DAB1: variants seen among roughly 807,000 people sequenced by gnomAD.
DAB1 encodes the protein disabled homolog 1.
Under a neutral mutation model 64.6 loss-of-function variants are expected in DAB1, and 15 were observed. The ratio of observed to expected loss-of-function variants is 0.23; its 90% CI spans 0.16 to 0.36. DAB1 has a LOEUF of 0.36. Among genes scored for constraint, DAB1 ranks in the 10% least tolerant of loss-of-function variants. The pLI is 1.00. For synonymous variants in DAB1, 235 were observed against 251.9 expected (o/e 0.93, Z 0.64); for missense variants, 596 against 706.7 (o/e 0.84, Z 1.78).
At chr1:57,896,808 T>C (rs778999927) in intron 5 of DAB1, among the ~76,000 whole-genome samples, 1 of 152,210 alleles carries the variant, frequency 6.6e-6, no homozygotes, top group Non-Finnish European at 1.5e-5. Context: ...ATTATTTTAT[T>C]GTTTCTACTG....
At chr1:57,880,710 C>G (rs1349294819) in intron 1 of DAB1, 4 of 152,160 alleles carry the variant, frequency 2.6e-5, no homozygotes, top group Admixed American at 2.6e-4. Flanking sequence ...TCAATTACAA[C>G]TGAATAAAGC....
In DAB1 at chr1:58,254,395, A is replaced by ATT. The variant is rs150057888; in HGVS notation, n.309+88955_309+88956dup. ...AGGGAATTTATTTATTTTTTTTTCT[A>ATT]TTTTTTTTTTATTATACTTTAAGTT... On this transcript the variant is annotated intron_variant and non_coding_transcript_variant, in intron 4 of 20. Coordinates refer to the DAB1 transcript ENST00000485760. 3.9e-3 allele frequency among the ~76,000 whole-genome samples: 567 copies of ATT among 146,704 alleles called. 3 individuals are homozygous for ATT. Among genetic ancestry groups the ATT allele is most frequent in the African/African-American group, 0.013 (515 of 39,522 alleles).
intron 6 of DAB1, among the ~76,000 whole-genome samples, chr1:57,696,059 T>C (rs756123538): frequency 3.3e-5 from 5 of 152,190 alleles, no homozygotes; most frequent in Non-Finnish European, 7.4e-5. Context: ...TTTTGGACTG[T>C]GTACTCAGAA....
chr1:57,123,243 C>T (rs1656826280), intron 4 of DAB1, among the ~76,000 whole-genome samples: 1 of 152,006 alleles, frequency 6.6e-6, no homozygotes, highest in South Asian at 2.1e-4. Flanking sequence ...AATGATAGGC[C>T]AAGTCCTAAG....
chr1:58,389,575 C>A (rs1199851161), intron 3 of DAB1, among the ~76,000 whole-genome samples: 1 of 152,216 alleles, frequency 6.6e-6, no homozygotes, highest in Admixed American at 6.5e-5. Context: ...CTTACACTTA[C>A]ATCACCTAGG....
intron 6 of DAB1, among the ~76,000 whole-genome samples, chr1:57,710,442 T>C (rs1570758501): frequency 6.6e-6 from 1 of 152,340 alleles, no homozygotes; most frequent in Non-Finnish European, 1.5e-5. Flanking sequence ...TTCACTGTTG[T>C]CTATACTATA....
At chr1:57,324,505 A>G (rs1675995406) in intron 1 of DAB1, among the ~76,000 whole-genome samples, 2 of 152,228 alleles carry the variant, frequency 1.3e-5, no homozygotes, top group Non-Finnish European at 2.9e-5. Context: ...AAAAGTAGAC[A>G]GTGTTAATGT....
chr1:58,363,796 C>G (rs1415315327), intron 3 of DAB1, among the ~76,000 whole-genome samples: 1 of 152,210 alleles, frequency 6.6e-6, no homozygotes. Flanking sequence ...TGAGTCTAAT[C>G]ACATCCAGCT....
At chr1:57,826,239 C>T (rs902106230) in exon 2 of DAB1, 5 of 152,146 alleles carry the variant, frequency 3.3e-5, no homozygotes, top group Admixed American at 1.3e-4. Flanking sequence ...CTTTGTGCTT[C>T]GCATATTAGG....
At chr1:58,110,280 T>A (rs1444400902) in intron 5 of DAB1, among the ~76,000 whole-genome samples, 1 of 152,208 alleles carries the variant, frequency 6.6e-6, no homozygotes, top group East Asian at 1.9e-4. Flanking sequence ...AATACTTTTT[T>A]TTTACCTTAG....
chr1:57,164,882 T>C (rs1043188983), intron 2 of DAB1, among the ~76,000 whole-genome samples: 1 of 152,196 alleles, frequency 6.6e-6, no homozygotes, highest in Non-Finnish European at 1.5e-5. Flanking sequence ...GGTTGATTTG[T>C]TACTTGCAAC....
intron 1 of DAB1, among the ~76,000 whole-genome samples, chr1:57,332,968 G>C (rs1033288358): frequency 1.3e-5 from 2 of 152,142 alleles, no homozygotes; most frequent in African/African-American, 4.8e-5. Flanking sequence ...TGTCTTATCT[G>C]TTGAAACTCT....
chr1:57,638,291 T>C (rs1646084128), intron 7 of DAB1, among the ~76,000 whole-genome samples: 1 of 152,204 alleles, frequency 6.6e-6, no homozygotes, highest in South Asian at 2.1e-4. Context: ...ATAAATCATG[T>C]GTGATAACTT....
chr1:57,027,517 T>C (rs540224024), intron 9 of DAB1, among the ~76,000 whole-genome samples: 1 of 152,320 alleles, frequency 6.6e-6, no homozygotes, highest in African/African-American at 2.4e-5. Context: ...TAAATTCCTT[T>C]ACTGCCTGGA....
chr1:58,168,625 G>A (rs952768260), intron 4 of DAB1, among the ~76,000 whole-genome samples: 2 of 152,100 alleles, frequency 1.3e-5, no homozygotes, highest in Non-Finnish European at 2.9e-5. Context: ...CATCATAGGG[G>A]AGACTACCTG....
At chr1:57,747,358 G>C (rs1648325836) in intron 6 of DAB1, among the ~76,000 whole-genome samples, 1 of 152,114 alleles carries the variant, frequency 6.6e-6, no homozygotes, top group African/African-American at 2.4e-5. Context: ...TTCTACCTGA[G>C]GGGTACTTAG....
At chr1:57,350,209 C>A (rs182242138) in intron 1 of DAB1, among the ~76,000 whole-genome samples, 5 of 152,238 alleles carry the variant, frequency 3.3e-5, no homozygotes, top group Non-Finnish European at 7.4e-5. Context: ...ATAATGCAGA[C>A]ACAATTTTTA....
Position 57,499,252 on chromosome 1 carries a change from G to T in DAB1, n.625+150340C>A, listed in dbSNP as rs192442234. Among the ~76,000 whole-genome samples the T allele has an allele frequency of 2.8e-4, 42 of 152,284 alleles. No homozygotes were observed. The East Asian group carries it at 7.5e-3, about 27-fold the overall frequency. On this transcript the variant is annotated intron_variant and non_coding_transcript_variant, in intron 7 of 20. Coordinates refer to the DAB1 transcript ENST00000485760. ...GCCTCCCAAAGTGCCAGGATTACAG[G>T]CGTGAGCCACTGCACCCAGCCACGT...
chr1:58,185,413 T>C (rs746968660), intron 4 of DAB1, among the ~76,000 whole-genome samples: 15 of 152,150 alleles, frequency 9.9e-5, no homozygotes, highest in Non-Finnish European at 1.8e-4. Flanking sequence ...CATCATACTG[T>C]CATGTCAAGT....
Sources: allele counts gnomAD v4.1 joint callset (sites outside exome capture counted in the v4.1 genomes callset), GRCh38; gene constraint gnomAD v4.1.1; transcripts MANE v1.5; gene names NCBI Gene and HGNC (gene_info 2026-07-23, HGNC 2026-07-21).